ARHGEF7: variants seen among roughly 807,000 people sequenced by gnomAD.
ARHGEF7 encodes the protein PAK-interacting exchange factor beta.
In ARHGEF7, 33 loss-of-function variants were observed where a neutral mutation model predicts 109.8. That is an observed-to-expected ratio of 0.30 (90% confidence interval 0.23 to 0.40). The LOEUF is 0.40. Among genes scored for constraint, ARHGEF7 ranks in the 10% least tolerant of loss-of-function variants. The pLI, the probability that ARHGEF7 is intolerant of heterozygous loss-of-function variation, is 1.00. For missense variants in ARHGEF7, 938 were observed against 1,098.5 expected (o/e 0.85, Z 2.07); for synonymous variants, 458 against 424.6 (o/e 1.08, Z -0.97).
chr13:111,172,567 A>G lies in ARHGEF7; in HGVS notation c.252+18576A>G, dbSNP rs867523687. Reference sequence around the variant, plus strand: ...ACACTTTTTGGGAACCATTTCCTCAAAGAAACTCAAGCCATAATAAAACTT... The same window carrying G: ...ACACTTTTTGGGAACCATTTCCTCAGAGAAACTCAAGCCATAATAAAACTT... On this transcript the variant is annotated intron_variant, in intron 2 of 21. Coordinates refer to ENST00000646102, the MANE Select transcript of ARHGEF7 (RefSeq NM_001354046.2). Among the ~76,000 whole-genome samples the G allele has an allele frequency of 5.3e-5, 8 of 152,340 alleles. No homozygotes were observed. The South Asian group carries it at 1.7e-3, about 32-fold the overall frequency.
chr13:111,163,360 G>A (rs2076890809), intron 2 of ARHGEF7, among the ~76,000 whole-genome samples: 1 of 152,132 alleles, frequency 6.6e-6, no homozygotes, highest in East Asian at 1.9e-4. Flanking sequence ...AACATGAAGT[G>A]TTCTGGTTAT....
chr13:111,123,837 T>C (rs1331500744), intron 1 of ARHGEF7, among the ~76,000 whole-genome samples: 1 of 141,678 alleles, frequency 7.1e-6, no homozygotes, highest in Non-Finnish European at 1.5e-5. Flanking sequence ...GGCTGGTAAC[T>C]GGCCATCGTT....
rs1284308164 is a variant in ARHGEF7 at position 111,273,096 on chromosome 13, A to T, written c.1074-718A>T. 6.6e-6 allele frequency among the ~76,000 whole-genome samples: 1 copy of T among 152,240 alleles called. No homozygotes were observed. The highest frequency in any genetic ancestry group is 1.9e-4 in the East Asian group (1 of 5,198). On this transcript the variant is annotated intron_variant, in intron 9 of 21. Transcript: ENST00000646102. The surrounding 1 kb of genome is among the most constrained non-coding windows in gnomAD (Gnocchi z 4.5). ...ATATGCACTGTTTCTATGTCCATAC[A>T]CAGGGACACCTTCCTTCCTTACGTG...
intron 2 of ARHGEF7, among the ~76,000 whole-genome samples, chr13:111,195,587 T>A (rs1259062757): frequency 6.6e-6 from 1 of 152,150 alleles, no homozygotes; most frequent in Non-Finnish European, 1.5e-5. Context: ...GTGAGGGTGA[T>A]GACAAGAGCT....
intron 5 of ARHGEF7, among the ~76,000 whole-genome samples, chr13:111,221,073 A>G (rs1349876587): frequency 6.9e-6 from 1 of 145,878 alleles, no homozygotes; most frequent in African/African-American, 2.5e-5. Flanking sequence ...ATACATATAT[A>G]CATATACATC....
At chr13:111,185,178 G>C (rs2079128131) in intron 2 of ARHGEF7, 1 of 152,242 alleles carries the variant, frequency 6.6e-6, no homozygotes, top group Non-Finnish European at 1.5e-5. Flanking sequence ...GGGTCTGGGT[G>C]CTGAGCTTCC....
At position 111,266,819 on chromosome 13, in the gene ARHGEF7, GT is replaced by G; in HGVS notation, c.951-725del. 2.2e-6 allele frequency: 1 copy of G among 456,076 alleles called. No homozygotes were observed. The highest frequency in any genetic ancestry group is 4.4e-6 in the Non-Finnish European group (1 of 226,806). 28.3% of individuals were successfully genotyped at this position (456,076 alleles called of 1,614,324 possible). ...TGGTAAGAGTTCACGTGGTTCTCCT[GT>G]TTTCAGCACACGTGCCCCTGCTCCG... On this transcript the variant is annotated intron_variant, in intron 8 of 21. Transcript: ENST00000646102. This position sits in a 1 kb window ranked among gnomAD's most constrained non-coding sequence, Gnocchi z 4.8.
chr13:111,266,892 G>A lies in ARHGEF7; in HGVS notation c.951-656G>A. The stretch of plus-strand genomic sequence containing the variant: ...GAAACTCTGAGGTCTGGAGAGGTGA[G>A]CGTGTACCCCGTTAGGCACACCCAA... On this transcript the variant is annotated intron_variant, in intron 8 of 21. Coordinates refer to ENST00000646102, the MANE Select transcript of ARHGEF7 (RefSeq NM_001354046.2). This position sits in a 1 kb window ranked among gnomAD's most constrained non-coding sequence, Gnocchi z 4.8. 2.2e-6 allele frequency: 1 copy of A among 456,082 alleles called. No homozygotes were observed. Among genetic ancestry groups the A allele is most frequent in the South Asian group, 1.5e-5 (1 of 64,566 alleles). 28.3% of individuals were successfully genotyped at this position (456,082 alleles called of 1,614,324 possible).
At chr13:111,222,660 C>T (rs2084613538) in intron 5 of ARHGEF7, among the ~76,000 whole-genome samples, 1 of 152,202 alleles carries the variant, frequency 6.6e-6, no homozygotes, top group Non-Finnish European at 1.5e-5. Context: ...AACTTCTGAC[C>T]TCAAGTGATC....
At chr13:111,226,134 A>G (rs983226546) in intron 5 of ARHGEF7, among the ~76,000 whole-genome samples, 9 of 152,272 alleles carry the variant, frequency 5.9e-5, no homozygotes, top group Admixed American at 5.9e-4. Flanking sequence ...ATAGAAGATC[A>G]AACCAGCCAC....
chr13:111,193,107 T>G (rs1220917184), intron 2 of ARHGEF7, among the ~76,000 whole-genome samples: 1 of 152,228 alleles, frequency 6.6e-6, no homozygotes, highest in Admixed American at 6.5e-5. Flanking sequence ...ATGAGTGTTT[T>G]CAATACCCAT....
chr13:111,279,025 G>T (rs2092641201), intron 13 of ARHGEF7, among the ~76,000 whole-genome samples: 1 of 152,160 alleles, frequency 6.6e-6, no homozygotes, highest in South Asian at 2.1e-4. Context: ...TAGAACACTG[G>T]CTTTGGGGGA....
intron 12 of ARHGEF7, among the ~76,000 whole-genome samples, chr13:111,276,550 T>C (rs1387428321): frequency 2.0e-5 from 3 of 152,352 alleles, no homozygotes; most frequent in East Asian, 3.9e-4. Flanking sequence ...TTCTTTATAA[T>C]ATTAGATCTA....
intron 20 of ARHGEF7, among the ~76,000 whole-genome samples, chr13:111,301,206 C>G (rs1041824912): frequency 6.6e-6 from 1 of 152,178 alleles, no homozygotes; most frequent in African/African-American, 2.4e-5. Context: ...GCCTCGGCCT[C>G]CCAAAATGCT....
intron 5 of ARHGEF7, among the ~76,000 whole-genome samples, chr13:111,219,115 G>A (rs146075524): frequency 4.7e-4 from 72 of 152,200 alleles, no homozygotes; most frequent in African/African-American, 1.6e-3. Flanking sequence ...CATCACCACC[G>A]TTTATCTCCA....
At position 111,305,496 on chromosome 13, in the gene ARHGEF7, A is replaced by G. The variant is rs1195871699; in HGVS notation, c.*2383A>G. ...ATCAGAAGCTCGTTCCTTCACACTC[A>G]GTGGCGTCTGTGCTTGTCCACATGC... On this transcript the variant is annotated 3_prime_UTR_variant, in exon 22 of 22. Coordinates refer to ENST00000646102, the MANE Select transcript of ARHGEF7 (RefSeq NM_001354046.2). The G allele has an allele frequency of 6.6e-6, 1 of 152,242 alleles. No homozygotes were observed. Among genetic ancestry groups the G allele is most frequent in the Admixed American group, 6.5e-5 (1 of 15,286 alleles). The allele number at this position is 152,242 out of a possible 1,614,324, so 9.4% of individuals were successfully genotyped here.
chr13:111,182,979 C>A (rs1227617957), intron 2 of ARHGEF7, among the ~76,000 whole-genome samples: 3 of 152,150 alleles, frequency 2.0e-5, no homozygotes, highest in African/African-American at 7.2e-5. Flanking sequence ...GTGTTCTGAG[C>A]AAACTTAAGG....
chr13:111,261,287 A>G (rs191874955), intron 8 of ARHGEF7, among the ~76,000 whole-genome samples: 2 of 152,336 alleles, frequency 1.3e-5, no homozygotes, highest in East Asian at 3.9e-4. Flanking sequence ...AAGATACTCC[A>G]TGCAAATAGG....
At chr13:111,153,606 A>T (rs961775155) in intron 1 of ARHGEF7, 7 of 1,151,748 alleles carry the variant, frequency 6.1e-6, no homozygotes, top group African/African-American at 1.6e-5. Flanking sequence ...CTATCCGAAG[A>T]CGTCCCGCGC....
Sources: gnomAD v4.1 joint callset for allele counts (sites outside exome capture counted in the v4.1 genomes callset) on GRCh38, gnomAD v4.1.1 for gene constraint, Gnocchi (gnomAD v3.1) non-coding constraint, MANE v1.5 for transcripts, NCBI Gene and HGNC (gene_info 2026-07-23, HGNC 2026-07-21) for gene names.